The following ERC2 variants were observed in gnomAD, a reference collection of about 807,000 sequenced individuals.
The protein encoded by ERC2 is ERC protein 2.
Under a neutral mutation model 114.8 loss-of-function variants are expected in ERC2, and 42 were observed. The observed-to-expected ratio is 0.37, with a 90% CI of 0.29 to 0.47. The LOEUF is 0.47. Among genes scored for constraint, ERC2 ranks in the 20% least tolerant of loss-of-function variants. The pLI is 0.99. For missense variants in ERC2, 939 were observed against 1,150.7 expected (o/e 0.82, Z 2.66); for synonymous variants, 454 against 425.5 (o/e 1.07, Z -0.82).
intron 15 of ERC2, among the ~76,000 whole-genome samples, chr3:55,705,485 T>A (rs764294579): frequency 3.1e-4 from 47 of 152,178 alleles, no homozygotes; most frequent in Non-Finnish European, 5.7e-4. Context: ...ACCACCTTAT[T>A]TTTCAAAATA....
At chr3:56,344,709 A>G (rs887462590) in intron 2 of ERC2, among the ~76,000 whole-genome samples, 4 of 152,226 alleles carry the variant, frequency 2.6e-5, no homozygotes, top group Admixed American at 1.3e-4. Context: ...CCACTAATGG[A>G]ACATCAGTTG....
At chr3:55,830,452 G>A (rs931171315) in intron 14 of ERC2, among the ~76,000 whole-genome samples, 4 of 152,214 alleles carry the variant, frequency 2.6e-5, no homozygotes, top group African/African-American at 9.6e-5. Flanking sequence ...AACTACGTAT[G>A]ATTGCTAAAT....
At chr3:56,067,452 A>G (rs1156315903) in intron 7 of ERC2, among the ~76,000 whole-genome samples, 1 of 152,198 alleles carries the variant, frequency 6.6e-6, no homozygotes. Flanking sequence ...TTTTGAGCTG[A>G]GACGATGGGG....
intron 15 of ERC2, among the ~76,000 whole-genome samples, chr3:55,713,390 T>C (rs540585272): frequency 9.5e-4 from 144 of 152,118 alleles, no homozygotes; most frequent in Middle Eastern, 3.4e-3. Context: ...TTTGTATTTT[T>C]AGTAGAGATG....
intron 17 of ERC2, among the ~76,000 whole-genome samples, chr3:55,557,561 C>T (rs1223556958): frequency 1.3e-5 from 2 of 152,250 alleles, no homozygotes; most frequent in African/African-American, 2.4e-5. Context: ...TAAGTAGTTG[C>T]CATGTGAGAT....
intron 17 of ERC2, among the ~76,000 whole-genome samples, chr3:55,654,622 A>G (rs2148688668): frequency 6.6e-6 from 1 of 152,332 alleles, no homozygotes; most frequent in East Asian, 1.9e-4. Context: ...TCTGTAATTG[A>G]CAGGCAGAGC....
At chr3:56,394,604 A>T (rs923685069) in intron 2 of ERC2, among the ~76,000 whole-genome samples, 21 of 152,224 alleles carry the variant, frequency 1.4e-4, no homozygotes, top group Non-Finnish European at 3.1e-4. Flanking sequence ...GCCAATAACC[A>T]CATAAAAAGA....
rs571631090 is a variant in ERC2 at position 56,031,407 on chromosome 3, C to T, written c.1642-12376G>A. Among the ~76,000 whole-genome samples the T allele has an allele frequency of 7.5e-4, 114 of 152,346 alleles. 1 individual carries two copies. Among genetic ancestry groups the T allele is most frequent in the African/African-American group, 2.6e-3 (108 of 41,582 alleles). Reference sequence around the variant, plus strand: ...TGGCTGGCCCCATGCAACCAGGTACCAGGCCAGCCAGCCCAAGGACTCTAG... The same window carrying T: ...TGGCTGGCCCCATGCAACCAGGTACTAGGCCAGCCAGCCCAAGGACTCTAG... On this transcript the variant is annotated intron_variant, in intron 7 of 17. Coordinates refer to ENST00000288221, the MANE Select transcript of ERC2 (RefSeq NM_015576.3).
intron 3 of ERC2, among the ~76,000 whole-genome samples, chr3:56,275,350 C>T (rs939027339): frequency 6.6e-6 from 1 of 152,110 alleles, no homozygotes; most frequent in Non-Finnish European, 1.5e-5. Flanking sequence ...GGGGAAGAAG[C>T]CAGCCCAGTT....
chr3:55,899,234 C>G (rs755087667), intron 13 of ERC2, among the ~76,000 whole-genome samples: 2 of 152,092 alleles, frequency 1.3e-5, no homozygotes, highest in African/African-American at 2.4e-5. Flanking sequence ...CTTTTAAATT[C>G]AGTATAACTA....
At chr3:55,635,882 A>ATTTTATTT (rs1245411179) in intron 17 of ERC2, among the ~76,000 whole-genome samples, 1 of 150,200 alleles carries the variant, frequency 6.7e-6, no homozygotes, top group Non-Finnish European at 1.5e-5. Context: ...ATTTTATTTT[A>ATTTTATTT]TTTTGTTTTA....
At chr3:55,549,950 G>GAGAGATAC (rs71096489) in intron 17 of ERC2, among the ~76,000 whole-genome samples, 49,394 of 141,848 alleles carry the variant, frequency 0.35, 10,645 homozygotes, top group East Asian at 0.7. Flanking sequence ...GAGAGAGAGA[G>GAGAGATAC]AGAGAGAGAC....
chr3:55,539,278 C>A (rs2054206862), intron 17 of ERC2, among the ~76,000 whole-genome samples: 2 of 152,224 alleles, frequency 1.3e-5, no homozygotes, highest in African/African-American at 4.8e-5. Flanking sequence ...AGGCTGGACA[C>A]TGAATTGAAC....
At chr3:55,523,257 G>A (rs1458533717) in intron 17 of ERC2, among the ~76,000 whole-genome samples, 7 of 152,328 alleles carry the variant, frequency 4.6e-5, no homozygotes, top group South Asian at 2.1e-4. Flanking sequence ...GCTTTGCTAC[G>A]GAGAACTTGC....
chr3:56,040,820 A>C lies in ERC2; in HGVS notation c.1642-21789T>G, dbSNP rs532602184. On this transcript the variant is annotated intron_variant, in intron 7 of 17. Coordinates refer to ENST00000288221, the MANE Select transcript of ERC2 (RefSeq NM_015576.3). ...TATATAGAGAGATACATATAGATAT[A>C]TATGTATCTATATATCTCCCCTTAG... is the stretch of plus-strand genomic sequence containing the variant. Among the ~76,000 whole-genome samples, 20 of 149,414 alleles carry C rather than the reference A, an allele frequency of 1.3e-4. No individual in the cohort carries two copies. The South Asian group carries it at 4.0e-3, about 30-fold the overall frequency.
intron 7 of ERC2, among the ~76,000 whole-genome samples, chr3:56,072,908 G>T (rs1416326989): frequency 6.6e-6 from 1 of 152,122 alleles, no homozygotes; most frequent in Non-Finnish European, 1.5e-5. Flanking sequence ...TAACAAATTA[G>T]TCGATATCAT....
chr3:55,874,872 G>T (rs2062751532), intron 14 of ERC2, among the ~76,000 whole-genome samples: 1 of 152,184 alleles, frequency 6.6e-6, no homozygotes, highest in Admixed American at 6.5e-5. Flanking sequence ...AATGGGCACT[G>T]CTGAGAGGGA....
chr3:55,709,115 G>A lies in ERC2; in HGVS notation c.2713-9603C>T, dbSNP rs549360508. ...ACTAATGAATGGGCAAAACAGCCTC[G>A]GGGTATCGCCTAACAGAATTGGCCA... On this transcript the variant is annotated intron_variant, in intron 15 of 17. Transcript: ENST00000288221. Among the ~76,000 whole-genome samples, 197 of 152,232 alleles carry A rather than the reference G, an allele frequency of 1.3e-3. 1 individual carries two copies. Among genetic ancestry groups the A allele is most frequent in the Non-Finnish European group, 2.1e-3 (141 of 68,026 alleles).
chr3:55,730,067 C>T (rs1395418555), intron 15 of ERC2, among the ~76,000 whole-genome samples: 1 of 152,078 alleles, frequency 6.6e-6, no homozygotes, highest in Admixed American at 6.5e-5. Context: ...ACAAGCTGAA[C>T]CACTGGAACT....
Sources: allele counts gnomAD v4.1 joint callset (sites outside exome capture counted in the v4.1 genomes callset), GRCh38; gene constraint gnomAD v4.1.1; transcripts MANE v1.5; gene names NCBI Gene and HGNC (gene_info 2026-07-23, HGNC 2026-07-21).